Variants in ZSWIM8 observed in about 807,000 individuals in gnomAD.
ZSWIM8 encodes the protein zinc finger SWIM domain-containing protein 8.
ZSWIM8 carries 27 observed loss-of-function variants against 173.7 expected under a neutral mutation model. That is an observed-to-expected ratio of 0.16 (90% CI 0.11 to 0.21). The LOEUF is 0.21. ZSWIM8 is among the 10% of genes least tolerant of loss of function. The pLI, the probability that ZSWIM8 is intolerant of heterozygous loss-of-function variation, is 1.00. For synonymous variants in ZSWIM8, 958 were observed against 962.0 expected (o/e 1.00, Z 0.08); for missense variants, 1,627 against 2,428.8 (o/e 0.67, Z 6.94).
rs548692504 is a variant in ZSWIM8 at position 73,797,267 on chromosome 10, C to T, written c.3429C>T (p.His1143=). The T allele has an allele frequency of 3.7e-6, 6 of 1,613,948 alleles. No individual in the cohort carries two copies. In the African/African-American group the frequency reaches 8.0e-5, roughly 22 times the overall value. Residue 1143 remains histidine, a synonymous_variant, in exon 17 of 26, where the codon CAC becomes CAT. Transcript: ENST00000604729. The surrounding 1 kb of genome is among the most constrained non-coding windows in gnomAD (Gnocchi z 5.6). ...WGSPGRPKKK[H]TGMASIDSSA... is the part of the protein sequence containing the mutation. ...CCCCAGGACGGCCTAAGAAGAAGCA[C>T]ACAGGTAGGATAGCCTGTGGGCTAG...
rs373762723 is a variant in ZSWIM8 at position 73,800,691 on chromosome 10, A to G, written c.5054A>G (p.Asn1685Ser). The change falls in exon 24 of 26, where the codon AAC becomes AGC. Residue 1685 changes from asparagine to serine, a missense_variant. Transcript: ENST00000604729. This position sits in a 1 kb window ranked among gnomAD's most constrained non-coding sequence, Gnocchi z 4.1. ...CGCCGGGCACACAACGATCACCCCA[A>G]CAACTTCTCCCGCTCCCCCCCCTAC... ...LGRRAHNDHPNNFSRSPPYTD... is the reference protein window; with the variant it reads ...LGRRAHNDHPSNFSRSPPYTD... 1.3e-4 allele frequency: 209 copies of G among 1,613,330 alleles called. 1 individual carries two copies. Among genetic ancestry groups the G allele is most frequent in the Middle Eastern group, 4.9e-4 (3 of 6,084 alleles).
At position 73,801,059 on chromosome 10, in the gene ZSWIM8, G is replaced by T. The variant is rs1264426744; in HGVS notation, c.5165G>T (p.Gly1722Val). ...VHQFCVGAAK[G>V]VLSPFVLQEI... Reference sequence around the variant, plus strand: ...CAGTTCTGTGTGGGGGCAGCCAAGGGGGTGCTGAGCCCGTTTGTGCTGCAG... The same window carrying T: ...CAGTTCTGTGTGGGGGCAGCCAAGGTGGTGCTGAGCCCGTTTGTGCTGCAG... The change falls in exon 25 of 26, where the codon GGG (glycine) becomes GTG (valine). Residue 1722 changes from glycine (G) to valine (V), a missense_variant. Transcript: ENST00000604729. The surrounding 1 kb of genome is among the most constrained non-coding windows in gnomAD (Gnocchi z 4.9). 1 of 1,559,202 alleles carries T rather than the reference G, an allele frequency of 6.4e-7. No individual in the cohort carries two copies. Among genetic ancestry groups the T allele is most frequent in the East Asian group, 2.4e-5 (1 of 41,546 alleles).
Position 73,792,283 on chromosome 10 carries a change from G to C in ZSWIM8, c.1744G>C (p.Gly582Arg), listed in dbSNP as rs779742071. The C allele has an allele frequency of 2.5e-6, 4 of 1,608,506 alleles. No individual in the cohort carries two copies. Among genetic ancestry groups the C allele is most frequent in the African/African-American group, 2.7e-5 (2 of 74,994 alleles). The change falls in exon 10 of 26, where the codon GGG (glycine) becomes CGG (arginine). Residue 582 changes from glycine to arginine, a missense_variant. Around this residue, in one of 18 missense-constraint regions of ZSWIM8, gnomAD observed 383 missense variants for 394.8 expected, o/e 0.97. Transcript: ENST00000604729. The surrounding 1 kb of genome is among the most constrained non-coding windows in gnomAD (Gnocchi z 4.3). ...DKALHKMGPG[G>R]GKAKALGGAG... Reference sequence around the variant, plus strand: ...AGCTCTACATAAGATGGGTCCAGGTGGGGGCAAAGCCAAGGCACTGGGTGG... The same window carrying C: ...AGCTCTACATAAGATGGGTCCAGGTCGGGGCAAAGCCAAGGCACTGGGTGG...
chr10:73,791,973 G>T lies in ZSWIM8; in HGVS notation c.1434G>T (p.Ala478=). ...GGCTCTTCCCCGGCTTCCGGCCAGC[G>T]GTGGAGGCCTGCTACTTCAACTGGG... ...LERLFPGFRP[A]VEACYFNWEE... Residue 478 remains alanine (A), a synonymous_variant, in exon 10 of 26, where the codon GCG becomes GCT. Transcript: ENST00000604729. The surrounding 1 kb of genome is among the most constrained non-coding windows in gnomAD (Gnocchi z 6.0). The T allele has an allele frequency of 1.3e-6, 2 of 1,551,140 alleles. No homozygotes were observed. Among genetic ancestry groups the T allele is most frequent in the Non-Finnish European group, 1.7e-6 (2 of 1,146,846 alleles).
At position 73,791,161 on chromosome 10, in the gene ZSWIM8, C is replaced by A; in HGVS notation, c.1128C>A (p.Cys376Ter). ...TGTTGGAAATCCTCACTGACCAGTG[C>A]CTCACCTATGAACAGGTAATCACTC... Reference protein sequence around the residue: ...APLLEILTDQCLTYEQITGWW... With the variant: ...APLLEILTDQ Residue 376 changes from cysteine (C) to a stop codon, truncating the protein, a stop_gained, in exon 8 of 26, where the codon TGC (cysteine) becomes TGA (stop). Transcript: ENST00000604729. LOFTEE classifies it high-confidence loss of function. This position sits in a 1 kb window ranked among gnomAD's most constrained non-coding sequence, Gnocchi z 6.0. 1 of 1,610,274 alleles carries A rather than the reference C, an allele frequency of 6.2e-7. No individual in the cohort carries two copies.
intron 19 of ZSWIM8, 79 bp from the exon 20 acceptor site, chr10:73,798,151 T>C: frequency 6.3e-7 from 1 of 1,593,546 alleles, no homozygotes; most frequent in Admixed American, 1.7e-5. Context: ...GGGTTACTGA[T>C]CTGATAAAAA....
In ZSWIM8 at chr10:73,797,840, C is replaced by G; in HGVS notation, c.3722C>G (p.Ala1241Gly). The G allele has an allele frequency of 6.2e-7, 1 of 1,613,880 alleles. No homozygotes were observed. Among genetic ancestry groups the G allele is most frequent in the Non-Finnish European group, 8.5e-7 (1 of 1,179,866 alleles). ...CATGTACCCAATCAGCCATCAGAGG[C>G]AGCTGCACACTTCTACTTCGAGCTG... ...APHVPNQPSE[A>G]AAHFYFELAK... The change falls in exon 19 of 26, where the codon GCA becomes GGA. Residue 1241 changes from alanine to glycine, a missense_variant. Coordinates refer to ENST00000604729, the MANE Select transcript of ZSWIM8 (RefSeq NM_001367799.1). This position sits in a 1 kb window ranked among gnomAD's most constrained non-coding sequence, Gnocchi z 5.6.
Position 73,789,691 on chromosome 10 carries a change from T to TC in ZSWIM8, c.631-24dup. ...TCCAGCAAACCTGTTCTCAGATTGT[T>TC]CCATTTTTCTCTGTGTCCCCTTCAG... On this transcript the variant is annotated intron_variant, in intron 4 of 25. Coordinates refer to ENST00000604729, the MANE Select transcript of ZSWIM8 (RefSeq NM_001367799.1). The surrounding 1 kb of genome is among the most constrained non-coding windows in gnomAD (Gnocchi z 6.8). The TC allele has an allele frequency of 6.3e-7, 1 of 1,575,510 alleles. No homozygotes were observed. Among genetic ancestry groups the TC allele is most frequent in the African/African-American group, 1.4e-5 (1 of 73,906 alleles).
chr10:73,790,974 G>C lies in ZSWIM8; in HGVS notation c.942-1G>C. 6.2e-7 allele frequency: 1 copy of C among 1,607,058 alleles called. No homozygotes were observed. Among genetic ancestry groups the C allele is most frequent in the Non-Finnish European group, 8.5e-7 (1 of 1,179,322 alleles). On this transcript the variant is annotated splice_acceptor_variant, in intron 7 of 25. Coordinates refer to ENST00000604729, the MANE Select transcript of ZSWIM8 (RefSeq NM_001367799.1). LOFTEE classifies it high-confidence loss of function. Reference sequence around the variant, plus strand: ...GGTTTTCTGTTCCTCTGCTTTTACAGTGATGTGAACTCCATGTATCTGTCT... The same window carrying C: ...GGTTTTCTGTTCCTCTGCTTTTACACTGATGTGAACTCCATGTATCTGTCT...
chr10:73,796,908 G>T lies in ZSWIM8; in HGVS notation c.3168G>T (p.Gly1056=), dbSNP rs900216191. The T allele has an allele frequency of 2.5e-6, 4 of 1,614,034 alleles. No homozygotes were observed. In the African/African-American group the frequency reaches 5.3e-5, roughly 22 times the overall value. ...PSKHGGPSAP[G]ALQPLTSGSA... ...AGCACGGGGGCCCATCTGCCCCAGGGGCCCTGCAACCACTGACCTCAGGCT... is the reference window on the plus strand; with the variant it reads ...AGCACGGGGGCCCATCTGCCCCAGGTGCCCTGCAACCACTGACCTCAGGCT... The change falls in exon 16 of 26, where the codon GGG becomes GGT. Residue 1056 remains glycine, a synonymous_variant. Transcript: ENST00000604729.
In ZSWIM8 at chr10:73,801,770, T is replaced by C; in HGVS notation, c.*251T>C. 1 of 1,478,606 alleles carries C rather than the reference T, an allele frequency of 6.8e-7. No individual in the cohort carries two copies. The highest frequency in any genetic ancestry group is 9.0e-7 in the Non-Finnish European group (1 of 1,116,882). The allele number at this position is 1,478,606 out of a possible 1,614,324, so 91.6% of individuals were successfully genotyped here. A position where few individuals can be genotyped will look rare whatever the true frequency, so the allele number is the denominator to read the frequency against. On this transcript the variant is annotated 3_prime_UTR_variant, in exon 26 of 26. Transcript: ENST00000604729. The surrounding 1 kb of genome is among the most constrained non-coding windows in gnomAD (Gnocchi z 4.9). ...CTGGTATTTATTTGGCATTTATAAA[T>C]ATATAAACTCCTTTTTTACTCTAGT...
Position 73,798,076 on chromosome 10 carries a change from T to G in ZSWIM8, c.3952+6T>G, listed in dbSNP as rs774563733. ...CCACGTTTCCTGGATTACAGGTAAA[T>G]CATTTGACCTGACTTGGGTATGGGA... On this transcript the variant is annotated splice_donor_region_variant and intron_variant, in intron 19 of 25. Coordinates refer to ENST00000604729, the MANE Select transcript of ZSWIM8 (RefSeq NM_001367799.1). 4 of 1,612,250 alleles carry G rather than the reference T, an allele frequency of 2.5e-6. No homozygotes were observed. The highest frequency in any genetic ancestry group is 1.7e-5 in the Admixed American group (1 of 59,940).
rs2083397125 is a variant in ZSWIM8 at position 73,790,962 on chromosome 10, TCTG to T, written c.942-10_942-8del. 1 of 1,601,760 alleles carries T rather than the reference TCTG, an allele frequency of 6.2e-7. No homozygotes were observed. The highest frequency in any genetic ancestry group is 1.1e-5 in the South Asian group (1 of 90,708). On this transcript the variant is annotated splice_polypyrimidine_tract_variant and intron_variant, in intron 7 of 25. Transcript: ENST00000604729. Reference sequence around the variant, plus strand: ...TCTTACTGTCATGGTTTTCTGTTCCTCTGCTTTTACAGTGATGTGAACTCCATG... The same window carrying T: ...TCTTACTGTCATGGTTTTCTGTTCCTCTTTTACAGTGATGTGAACTCCATG...
Position 73,785,644 on chromosome 10 carries a change from G to T in ZSWIM8, c.-235G>T, listed in dbSNP as rs1226589018. On this transcript the variant is annotated 5_prime_UTR_variant, in exon 1 of 26. Transcript: ENST00000604729. ...CCCCAGCCGCCGAGCGCTTCGTCCC[G>T]GCCCTAAGTCTCGGAGACTGGCCAA... 2 of 600,746 alleles carry T rather than the reference G, an allele frequency of 3.3e-6. No homozygotes were observed. The highest frequency in any genetic ancestry group is 1.6e-5 in the South Asian group (1 of 63,876). 37.2% of individuals were successfully genotyped at this position (600,746 alleles called of 1,614,324 possible).
intron 1 of ZSWIM8, among the ~76,000 whole-genome samples, chr10:73,788,387 C>T (rs767726745): frequency 2.0e-5 from 3 of 152,198 alleles, no homozygotes; most frequent in East Asian, 3.8e-4. Context: ...CTGGAACGCA[C>T]CTGTCTGGCC....
intron 14 of ZSWIM8, 71 bp downstream of exon 14, chr10:73,794,710 G>A (rs1048847023): frequency 7.9e-5 from 105 of 1,330,952 alleles, no homozygotes; most frequent in Non-Finnish European, 1.0e-4. Flanking sequence ...GTGCCTTGTT[G>A]TGAAGGGCTG....
chr10:73,799,440 C>G lies in ZSWIM8; in HGVS notation c.4615C>G (p.His1539Asp). Residue 1539 changes from histidine to aspartate, a missense_variant, in exon 21 of 26, where the codon CAC (histidine) becomes GAC (aspartate). Around this residue, in one of 18 missense-constraint regions of ZSWIM8, gnomAD observed 275 missense variants for 290.1 expected, o/e 0.95. Transcript: ENST00000604729. ...AGCTCACCCTGCCCACCCCATGCCT[C>G]ACATGCCCCGGCCTGCCGTCTTCCC... ...HPAHPAHPMP[H>D]MPRPAVFPVP... The G allele has an allele frequency of 6.2e-7, 1 of 1,605,742 alleles. No individual in the cohort carries two copies. The highest frequency in any genetic ancestry group is 8.5e-7 in the Non-Finnish European group (1 of 1,176,236).
Position 73,792,341 on chromosome 10 carries a change from G to A in ZSWIM8, c.1802G>A (p.Gly601Asp), listed in dbSNP as rs1441197080. The change falls in exon 10 of 26, where the codon GGC (glycine) becomes GAC (aspartate). Residue 601 changes from glycine to aspartate, a missense_variant. This residue lies in a region of ZSWIM8 where 383 missense variants were observed against 394.8 expected (regional missense o/e 0.97). Coordinates refer to ENST00000604729, the MANE Select transcript of ZSWIM8 (RefSeq NM_001367799.1). This position sits in a 1 kb window ranked among gnomAD's most constrained non-coding sequence, Gnocchi z 4.3. ...AGSGSKGSAG[G>D]GSKRRLSSED... ...AGTGGGAGCAAGGGCTCAGCAGGTG[G>A]CGGAAGCAAGCGACGGCTGAGCAGC... 3.2e-5 allele frequency: 52 copies of A among 1,612,308 alleles called. No homozygotes were observed. The highest frequency in any genetic ancestry group is 4.2e-5 in the Non-Finnish European group (49 of 1,179,312).
intron 1 of ZSWIM8, among the ~76,000 whole-genome samples, 166 bp from the exon 2 acceptor site, chr10:73,788,504 G>A (rs760668273): frequency 9.7e-4 from 147 of 152,172 alleles, no homozygotes; most frequent in Non-Finnish European, 6.5e-4. Context: ...AGCCTTAAGG[G>A]TTAGTGTATC....
Sources: gnomAD v4.1 joint callset for allele counts (sites outside exome capture counted in the v4.1 genomes callset) on GRCh38, gnomAD v4.1.1 for gene constraint, gnomAD v4.1.1 regional missense constraint, Gnocchi (gnomAD v3.1) non-coding constraint, MANE v1.5 for transcripts, NCBI Gene and HGNC (gene_info 2026-07-23, HGNC 2026-07-21) for gene names.